CEP85L: variants seen among roughly 807,000 people sequenced by gnomAD.
CEP85L encodes the protein centrosomal protein of 85 kDa-like.
Under a neutral mutation model 100.3 loss-of-function variants are expected in CEP85L, and 60 were observed. The observed-to-expected ratio is 0.60, with a 90% confidence interval of 0.49 to 0.74. The LOEUF (loss-of-function observed/expected upper bound fraction) is 0.74, where lower values mean the gene tolerates loss of function less well. CEP85L is among the 30% of genes least tolerant of loss of function. The pLI is 0.00. For missense variants in CEP85L, 973 were observed against 936.2 expected (o/e 1.04, Z -0.51); for synonymous variants, 319 against 322.7 (o/e 0.99, Z 0.12).
chr6:118,599,133 A>G (rs1362906365), intron 2 of CEP85L, among the ~76,000 whole-genome samples: 1 of 152,222 alleles, frequency 6.6e-6, no homozygotes, highest in Non-Finnish European at 1.5e-5. Flanking sequence ...AATAATAACA[A>G]GTATGTCCAG....
Position 118,511,335 on chromosome 6 carries a change from T to A in CEP85L, c.1220A>T (p.Tyr407Phe). ...CACATAAGAATCCTCACAATTTACATAATGTCCTAACATGGCATGTTGAGC... is the reference window on the plus strand; with the variant it reads ...CACATAAGAATCCTCACAATTTACAAAATGTCCTAACATGGCATGTTGAGC... ...LRAQHAMLGH[Y>F]VNCEDSYVAS... is the part of the protein sequence containing the mutation. The change falls in exon 5 of 13, where the codon TAT becomes TTT. Residue 407 changes from tyrosine to phenylalanine, a missense_variant. This residue lies in a region of CEP85L where 890 missense variants were observed against 844.5 expected (regional missense o/e 1.05). Coordinates refer to ENST00000368491, the MANE Select transcript of CEP85L (RefSeq NM_001042475.3). The A allele has an allele frequency of 6.2e-7, 1 of 1,612,964 alleles. No individual in the cohort carries two copies. Among genetic ancestry groups the A allele is most frequent in the Non-Finnish European group, 8.5e-7 (1 of 1,179,230 alleles).
chr6:118,528,285 G>GA (rs1396264829), intron 3 of CEP85L, among the ~76,000 whole-genome samples: 1 of 151,230 alleles, frequency 6.6e-6, no homozygotes, highest in Non-Finnish European at 1.5e-5. Context: ...GGCATAAAGA[G>GA]AAACAGCAAC....
intron 3 of CEP85L, among the ~76,000 whole-genome samples, chr6:118,564,567 T>C (rs1167793694): frequency 1.3e-5 from 2 of 152,188 alleles, no homozygotes; most frequent in Non-Finnish European, 2.9e-5. Context: ...CTCCTATGAA[T>C]GTAGTATGTT....
upstream of CEP85L, among the ~76,000 whole-genome samples, chr6:118,654,572 A>C (rs1775710855): frequency 6.6e-6 from 1 of 152,234 alleles, no homozygotes; most frequent in Non-Finnish European, 1.5e-5. Context: ...AAAGGTGACA[A>C]GTTATCCAAT....
intron 5 of CEP85L, among the ~76,000 whole-genome samples, chr6:118,494,955 G>C (rs1215747722): frequency 6.6e-6 from 1 of 152,098 alleles, no homozygotes; most frequent in South Asian, 2.1e-4. Context: ...GATAACGTAA[G>C]TGTAGAGATA....
intron 12 of CEP85L, among the ~76,000 whole-genome samples, chr6:118,466,830 G>T (rs1772558879): frequency 6.6e-6 from 1 of 152,084 alleles, no homozygotes; most frequent in Non-Finnish European, 1.5e-5. Flanking sequence ...GAGAAAGATG[G>T]TTGTCAGAGA....
chr6:118,610,626 T>G (rs772163929), intron 2 of CEP85L, among the ~76,000 whole-genome samples: 1 of 152,120 alleles, frequency 6.6e-6, no homozygotes, highest in Non-Finnish European at 1.5e-5. Flanking sequence ...TCACAGGAAA[T>G]TGGGACTTCT....
In CEP85L at chr6:118,535,781, G is replaced by A. The variant is rs187448011; in HGVS notation, c.1021-11861C>T. 1.6e-4 allele frequency among the ~76,000 whole-genome samples: 24 copies of A among 152,218 alleles called. No individual in the cohort carries two copies. In the East Asian group the frequency reaches 4.2e-3, roughly 27 times the overall value. On this transcript the variant is annotated intron_variant, in intron 3 of 12. Transcript: ENST00000368491. Reference sequence around the variant, plus strand: ...ACTTAATAATGGCCCCAAAGTGCAAGAGTAGTGATGCTCTCATATTGTTAT... The same window carrying A: ...ACTTAATAATGGCCCCAAAGTGCAAAAGTAGTGATGCTCTCATATTGTTAT...
intron 12 of CEP85L, among the ~76,000 whole-genome samples, chr6:118,466,483 T>C (rs1212063505): frequency 6.6e-6 from 1 of 152,164 alleles, no homozygotes; most frequent in Non-Finnish European, 1.5e-5. Flanking sequence ...TACCACTATA[T>C]ACAAGTTGCA....
chr6:118,547,000 GGAA>G (rs1488246434), intron 3 of CEP85L, among the ~76,000 whole-genome samples: 4 of 151,956 alleles, frequency 2.6e-5, no homozygotes, highest in Non-Finnish European at 4.4e-5. Flanking sequence ...TTCTTTCTTT[GGAA>G]GAAGCCAAGA....
chr6:118,519,874 A>C (rs909017318), intron 4 of CEP85L, among the ~76,000 whole-genome samples: 5 of 152,180 alleles, frequency 3.3e-5, no homozygotes, highest in African/African-American at 9.7e-5. Context: ...CATTACAAGA[A>C]AAGAAAAATA....
At chr6:118,600,300 G>GTGGGTGGGT (rs1554228039) in intron 2 of CEP85L, among the ~76,000 whole-genome samples, 4 of 52,236 alleles carry the variant, frequency 7.7e-5, no homozygotes, top group African/African-American at 2.7e-4. Context: ...CCTTCCTGGG[G>GTGGGTGGGT]GTGTGTGTGT....
intron 5 of CEP85L, among the ~76,000 whole-genome samples, chr6:118,498,712 C>T (rs975138201): frequency 4.6e-5 from 7 of 151,816 alleles, no homozygotes; most frequent in African/African-American, 1.5e-4. Flanking sequence ...ACAGTTTCAA[C>T]AGGCAGAAAA....
intron 1 of CEP85L, among the ~76,000 whole-genome samples, chr6:118,677,756 C>T (rs1242111064): frequency 6.6e-6 from 1 of 152,192 alleles, no homozygotes; most frequent in Non-Finnish European, 1.5e-5. Flanking sequence ...AGCCAAAGAA[C>T]TAGGAGACTT....
intron 2 of CEP85L, among the ~76,000 whole-genome samples, chr6:118,615,888 G>A (rs1328378151): frequency 6.6e-6 from 1 of 152,160 alleles, no homozygotes; most frequent in Non-Finnish European, 1.5e-5. Context: ...CTATAAATTT[G>A]GGTCTGGTGT....
chr6:118,494,503 G>A (rs1426258597), intron 5 of CEP85L, among the ~76,000 whole-genome samples: 1 of 152,172 alleles, frequency 6.6e-6, no homozygotes, highest in East Asian at 1.9e-4. Flanking sequence ...CCACATAGAG[G>A]AGGGTTAATA....
chr6:118,501,544 C>A, intron 5 of CEP85L: 1 of 506,502 alleles, frequency 2.0e-6, no homozygotes. Context: ...TGGATCTCAG[C>A]AACATGAAAG....
chr6:118,680,905 T>A (rs1231208291), intron 1 of CEP85L, among the ~76,000 whole-genome samples: 3 of 151,712 alleles, frequency 2.0e-5, no homozygotes, highest in African/African-American at 7.3e-5. Flanking sequence ...GAGATGACTC[T>A]AAAGTGCCTG....
chr6:118,674,328 A>C (rs375624021), intron 1 of CEP85L, among the ~76,000 whole-genome samples: 8 of 152,316 alleles, frequency 5.3e-5, no homozygotes, highest in African/African-American at 1.9e-4. Context: ...GTTCGAGACC[A>C]GCCTGGCCAA....
Sources: gnomAD v4.1 joint callset for allele counts (sites outside exome capture counted in the v4.1 genomes callset) on GRCh38, gnomAD v4.1.1 for gene constraint, gnomAD v4.1.1 regional missense constraint, MANE v1.5 for transcripts, NCBI Gene and HGNC (gene_info 2026-07-23, HGNC 2026-07-21) for gene names.